Variants in BPIFB1 observed in about 807,000 individuals in gnomAD.
BPIFB1 encodes the protein BPI fold-containing family B member 1.
Under a neutral mutation model 55.1 loss-of-function variants are expected in BPIFB1, and 34 were observed. The observed-to-expected ratio is 0.62, with a 90% CI of 0.47 to 0.82. The LOEUF (loss-of-function observed/expected upper bound fraction) is 0.82. Among genes scored for constraint, BPIFB1 ranks in the 40% least tolerant of loss-of-function variants. The probability of loss-of-function intolerance (pLI) is 0.00; values close to 1 mark genes in which losing one functional copy is unlikely to be tolerated. For synonymous variants in BPIFB1, 236 were observed against 245.3 expected (o/e 0.96, Z 0.35); for missense variants, 532 against 593.1 (o/e 0.90, Z 1.07).
At position 33,305,025 on chromosome 20, in the gene BPIFB1, C is replaced by A. The variant is rs966910941; in HGVS notation, c.1254+134C>A. 4.0e-5 allele frequency: 39 copies of A among 966,914 alleles called. No individual in the cohort carries two copies. The African/African-American group carries it at 6.2e-4, about 15-fold the overall frequency. 59.9% of individuals were successfully genotyped at this position (966,914 alleles called of 1,614,324 possible). A position where few individuals can be genotyped will look rare whatever the true frequency, so the allele number is the denominator to read the frequency against. On this transcript the variant is annotated intron_variant, in intron 13 of 15. Coordinates refer to ENST00000253354, the MANE Select transcript of BPIFB1 (RefSeq NM_033197.3). ...ACCATGGGGGGCTGGCCGGTCTCCA[C>A]CAAAGTCCAACTTCCCTCGAGTGTT...
At chr20:33,284,407 C>A (rs902601431) in intron 1 of BPIFB1, among the ~76,000 whole-genome samples, 3 of 152,156 alleles carry the variant, frequency 2.0e-5, no homozygotes, top group African/African-American at 7.2e-5. Flanking sequence ...AATTATTCAG[C>A]AGCCATTTAT....
At chr20:33,296,153 C>T (rs1216204521) in intron 6 of BPIFB1, among the ~76,000 whole-genome samples, 1 of 152,116 alleles carries the variant, frequency 6.6e-6, no homozygotes, top group Non-Finnish European at 1.5e-5. Context: ...TCCTAGTATC[C>T]CAGAGGACTC....
At chr20:33,302,531 C>A in intron 10 of BPIFB1, 119 bp downstream of exon 10, 1 of 1,096,156 alleles carries the variant, frequency 9.1e-7, no homozygotes, top group South Asian at 1.3e-5. Context: ...ACTCAAACCG[C>A]ATCCCTGTCC....
intron 6 of BPIFB1, among the ~76,000 whole-genome samples, chr20:33,292,534 A>G (rs936907082): frequency 6.6e-6 from 1 of 152,248 alleles, no homozygotes; most frequent in African/African-American, 2.4e-5. Flanking sequence ...GTAAGTTTAT[A>G]TGTCTAATTT....
At chr20:33,301,916 C>T (rs11905154) in intron 9 of BPIFB1, among the ~76,000 whole-genome samples, 8,101 of 152,064 alleles carry the variant, frequency 0.053, 727 homozygotes, top group African/African-American at 0.18. Context: ...GGGTGACTGA[C>T]GGGGAAATTG....
At chr20:33,287,456 G>A (rs185238712) in intron 2 of BPIFB1, among the ~76,000 whole-genome samples, 4 of 152,326 alleles carry the variant, frequency 2.6e-5, no homozygotes, top group Non-Finnish European at 5.9e-5. Context: ...ATTACCAGGG[G>A]ATTGGAAGAA....
intron 6 of BPIFB1, among the ~76,000 whole-genome samples, chr20:33,292,417 A>G (rs535916762): frequency 3.9e-5 from 6 of 152,248 alleles, no homozygotes; most frequent in Non-Finnish European, 8.8e-5. Flanking sequence ...ACAGATACAT[A>G]AACATGATCT....
Position 33,303,006 on chromosome 20 carries a change from G to A in BPIFB1, c.1072G>A (p.Ala358Thr). The change falls in exon 11 of 16, where the codon GCC becomes ACC. Residue 358 changes from alanine (A) to threonine (T), a missense_variant. Coordinates refer to ENST00000253354, the MANE Select transcript of BPIFB1 (RefSeq NM_033197.3). ...FFIDQGHAKV[A>T]QLIVLEVFPS... ...TATAGACCAAGGCCATGCCAAGGTG[G>A]CCCAACTGATCGTGCTGGAAGTGTT... The A allele has an allele frequency of 1.2e-6, 2 of 1,614,176 alleles. No individual in the cohort carries two copies. The highest frequency in any genetic ancestry group is 2.2e-5 in the East Asian group (1 of 44,880).
intron 13 of BPIFB1, among the ~76,000 whole-genome samples, 180 bp from the exon 14 acceptor site, chr20:33,305,822 G>A (rs1446867361): frequency 6.6e-6 from 1 of 152,010 alleles, no homozygotes; most frequent in Non-Finnish European, 1.5e-5. Flanking sequence ...CTGAGTTCAT[G>A]CCCCAACCCA....
chr20:33,307,210 G>GTCATTCATTCAT (rs141478347), intron 15 of BPIFB1: 2 of 523,298 alleles, frequency 3.8e-6, no homozygotes, highest in Middle Eastern at 5.1e-4. Context: ...CCACCCCCTT[G>GTCATTCATTCAT]TCATTCATTC....
intron 6 of BPIFB1, among the ~76,000 whole-genome samples, chr20:33,297,159 G>A (rs1013440565): frequency 6.6e-6 from 1 of 152,218 alleles, no homozygotes; most frequent in Non-Finnish European, 1.5e-5. Flanking sequence ...GGCCTCAAGC[G>A]ATCCACCCAC....
At chr20:33,301,936 G>T (rs1401202268) in intron 9 of BPIFB1, among the ~76,000 whole-genome samples, 1 of 152,174 alleles carries the variant, frequency 6.6e-6, no homozygotes, top group Non-Finnish European at 1.5e-5. Context: ...GAGGTCCAGA[G>T]GGGGAAAGGG....
Position 33,309,642 on chromosome 20 carries a change from C to G in BPIFB1, c.1396-66C>G, listed in dbSNP as rs192355900. On this transcript the variant is annotated intron_variant, in intron 15 of 15. Transcript: ENST00000253354. The surrounding 1 kb of genome is among the most constrained non-coding windows in gnomAD (Gnocchi z 4.4). ...AGCAGTCACCTTATGGAGGACAAAA[C>G]CAGCATAAACCACAAGGCAAAAGGT... 6.6e-7 allele frequency: 1 copy of G among 1,513,508 alleles called. No homozygotes were observed. Among genetic ancestry groups the G allele is most frequent in the Admixed American group, 1.7e-5 (1 of 59,816 alleles). 93.8% of individuals were successfully genotyped at this position (1,513,508 alleles called of 1,614,324 possible). A position where few individuals can be genotyped will look rare whatever the true frequency, so the allele number is the denominator to read the frequency against.
chr20:33,302,912 C>T lies in BPIFB1; in HGVS notation c.982-4C>T. ...GGCCACATGTGGGTCTGATCTCCTT[C>T]CAGGCTGCAGATAAGCTGGGATCTA... On this transcript the variant is annotated splice_region_variant and splice_polypyrimidine_tract_variant and intron_variant, in intron 10 of 15. Coordinates refer to ENST00000253354, the MANE Select transcript of BPIFB1 (RefSeq NM_033197.3). 2.5e-6 allele frequency: 4 copies of T among 1,613,934 alleles called. No homozygotes were observed. Among genetic ancestry groups the T allele is most frequent in the Non-Finnish European group, 3.4e-6 (4 of 1,179,900 alleles).
intron 8 of BPIFB1, among the ~76,000 whole-genome samples, chr20:33,300,821 C>G (rs963751176): frequency 6.6e-6 from 1 of 152,162 alleles, no homozygotes; most frequent in African/African-American, 2.4e-5. Context: ...CTCCTGGGCT[C>G]AAATGATCCT....
At chr20:33,287,025 G>A (rs1324013796) in intron 2 of BPIFB1, among the ~76,000 whole-genome samples, 1 of 152,226 alleles carries the variant, frequency 6.6e-6, no homozygotes, top group Non-Finnish European at 1.5e-5. Flanking sequence ...CAGAGGGGCA[G>A]GGGCAGGTCC....
intron 3 of BPIFB1, 45 bp downstream of exon 3, chr20:33,288,927 CT>C: frequency 6.3e-7 from 1 of 1,581,614 alleles, no homozygotes; most frequent in Non-Finnish European, 8.6e-7. Flanking sequence ...CTTCCCACAC[CT>C]TTGCCCGGGA....
rs768687350 is a variant in BPIFB1 at position 33,309,735 on chromosome 20, T to G, written c.1423T>G (p.Leu475Val). 5.6e-6 allele frequency: 9 copies of G among 1,614,054 alleles called. No homozygotes were observed. In the Admixed American group the frequency reaches 1.5e-4, roughly 27 times the overall value. The change falls in exon 16 of 16, where the codon TTG becomes GTG. Residue 475 changes from leucine to valine, a missense_variant. Leu to Val is a conservative substitution (Grantham distance 32). Coordinates refer to ENST00000253354, the MANE Select transcript of BPIFB1 (RefSeq NM_033197.3). The surrounding 1 kb of genome is among the most constrained non-coding windows in gnomAD (Gnocchi z 4.4). ...KDALVLTPAS[L>V]WKPSSPVSQ ...TGCCCTTGTGCTTACTCCAGCCTCC[T>G]TGTGGAAACCCAGCTCTCCTGTCTC...
At chr20:33,308,314 C>A (rs1981101519) in intron 15 of BPIFB1, among the ~76,000 whole-genome samples, 1 of 152,174 alleles carries the variant, frequency 6.6e-6, no homozygotes, top group African/African-American at 2.4e-5. Context: ...TAAACCATAT[C>A]AGATGTCAAG....
Sources: allele counts gnomAD v4.1 joint callset (sites outside exome capture counted in the v4.1 genomes callset), GRCh38; gene constraint gnomAD v4.1.1; non-coding constraint Gnocchi (gnomAD v3.1); transcripts MANE v1.5; gene names NCBI Gene and HGNC (gene_info 2026-07-23, HGNC 2026-07-21).